The following EFCAB14 variants were observed in gnomAD, a reference collection of about 807,000 sequenced individuals.
EFCAB14 encodes EF-hand calcium binding domain 14.
A neutral mutation model predicts 56.5 loss-of-function variants in EFCAB14; 43 were observed. The ratio of observed to expected loss-of-function variants is 0.76; its 90% confidence interval spans 0.60 to 0.98. The LOEUF is 0.98. Ranked by LOEUF, EFCAB14 falls within the 50% of genes least tolerant of loss-of-function variation. The pLI is 0.00. For synonymous variants in EFCAB14, 235 were observed against 212.9 expected, an observed-to-expected ratio of 1.10 and a Z score of -0.90; for missense variants, 538 against 580.3, an observed-to-expected ratio of 0.93 and a Z score of 0.75.
At chr1:46,702,275 G>A (rs541196334) in intron 3 of EFCAB14, among the ~76,000 whole-genome samples, 6 of 152,306 alleles carry the variant, frequency 3.9e-5, no homozygotes, top group African/African-American at 1.4e-4. Flanking sequence ...GAAGTTAAGT[G>A]TCCTTTAAAT....
rs925573366 is a variant in EFCAB14, at chr1:46,707,287, A to C, written c.480+619T>G. 2.0e-5 allele frequency among the ~76,000 whole-genome samples: 3 copies of C among 152,390 alleles called. No individual in the cohort carries two copies. In the South Asian group the frequency reaches 6.2e-4, roughly 32 times the overall value. The stretch of plus-strand genomic sequence containing the variant: ...TGGGGCTATAGTTACCCTGTGACAA[A>C]TATGGTATCCTTATACATACAAGAT... On this transcript the variant is annotated intron_variant, in intron 3 of 10. Coordinates refer to ENST00000371933, the MANE Select transcript of EFCAB14 (RefSeq NM_014774.3).
chr1:46,678,714 T>TTAAAACAC, intron 10 of EFCAB14, 78 bp from the exon 11 acceptor site: 1 of 1,383,728 alleles, frequency 7.2e-7, no homozygotes, highest in East Asian at 2.4e-5. Context: ...TCAACTGAAT[T>TTAAAACAC]TAAAACACTA....
intron 3 of EFCAB14, among the ~76,000 whole-genome samples, chr1:46,705,812 T>C (rs1282885530): frequency 2.0e-5 from 3 of 152,204 alleles, no homozygotes; most frequent in Non-Finnish European, 2.9e-5. Flanking sequence ...GGTCTTTATC[T>C]AGAAGTGTAG....
Position 46,675,228 on chromosome 1 carries a change from A to G in EFCAB14, c.*3233T>C, listed in dbSNP as rs1676675078. 1 of 152,580 alleles carries G rather than the reference A, an allele frequency of 6.6e-6. No homozygotes were observed. Among genetic ancestry groups the G allele is most frequent in the Non-Finnish European group, 1.5e-5 (1 of 68,018 alleles). 9.5% of individuals were successfully genotyped at this position (152,580 alleles called of 1,614,324 possible). On this transcript the variant is annotated 3_prime_UTR_variant, in exon 11 of 11. Transcript: ENST00000371933. Reference sequence around the variant, plus strand: ...CTGTGTTACTTATTTGAAATATGCAAAGCTCAAATCAAGTCATGGAAACCC... The same window carrying G: ...CTGTGTTACTTATTTGAAATATGCAGAGCTCAAATCAAGTCATGGAAACCC...
intron 3 of EFCAB14, among the ~76,000 whole-genome samples, chr1:46,706,623 C>T (rs1054158057): frequency 6.6e-6 from 1 of 152,176 alleles, no homozygotes; most frequent in Admixed American, 6.5e-5. Flanking sequence ...TCAATGTGGT[C>T]TACTTTCACC....
Position 46,681,663 on chromosome 1 carries a change from GTT to G in EFCAB14, c.1312+1635_1312+1636del, listed in dbSNP as rs10654448. Among the ~76,000 whole-genome samples the G allele has an allele frequency of 3.3e-5, 5 of 149,286 alleles. No individual in the cohort carries two copies. The South Asian group carries it at 8.5e-4, about 25-fold the overall frequency. ...ACCAAGTGGCTAGCTGAAGAGTTCT[GTT>G]TTTTTTTTTCTTTTTTTTTGTGGCA... On this transcript the variant is annotated intron_variant, in intron 10 of 10. Transcript: ENST00000371933.
intron 1 of EFCAB14, 84 bp downstream of exon 1, chr1:46,717,819 C>G: frequency 2.1e-6 from 3 of 1,451,830 alleles, no homozygotes; most frequent in Non-Finnish European, 2.8e-6. Flanking sequence ...TTCCTAAGGA[C>G]TTCCTTTCTC....
intron 5 of EFCAB14, 59 bp from the exon 6 acceptor site, chr1:46,689,750 AT>A: frequency 7.0e-7 from 1 of 1,438,706 alleles, no homozygotes; most frequent in Non-Finnish European, 9.8e-7. Flanking sequence ...CTACTTAACT[AT>A]CTGAGATTGT....
In EFCAB14 at chr1:46,717,575, T is replaced by C. The variant is rs148014223; in HGVS notation, c.185+328A>G. ...GCTTCTCCTTTGTTCTACACTGTTT[T>C]AAAAAGTCTAGTCCCCAAAGCTTCT... On this transcript the variant is annotated intron_variant, in intron 1 of 10. Coordinates refer to ENST00000371933, the MANE Select transcript of EFCAB14 (RefSeq NM_014774.3). Among the ~76,000 whole-genome samples, 8 of 152,346 alleles carry C rather than the reference T, an allele frequency of 5.3e-5. No homozygotes were observed. In the East Asian group the frequency reaches 1.5e-3, roughly 29 times the overall value.
rs1677435321 is a variant in EFCAB14 at position 46,718,623 on chromosome 1, AG to A, written c.-537del. ...GGGAACGCGTCAGTCCCTTCCTTGC[AG>A]GAGAGGTGGCGGCAGGAGGGGGCTC... is the stretch of plus-strand genomic sequence containing the variant. On this transcript the variant is annotated 5_prime_UTR_variant, in exon 1 of 11. Transcript: ENST00000371933. 1 of 152,750 alleles carries A rather than the reference AG, an allele frequency of 6.5e-6. No individual in the cohort carries two copies. The highest frequency in any genetic ancestry group is 6.5e-5 in the Admixed American group (1 of 15,284). The allele number at this position is 152,750 out of a possible 1,614,324, so 9.5% of individuals were successfully genotyped here.
intron 4 of EFCAB14, among the ~76,000 whole-genome samples, chr1:46,695,798 G>C (rs1677070612): frequency 2.0e-5 from 3 of 152,110 alleles, no homozygotes; most frequent in African/African-American, 7.2e-5. Flanking sequence ...TCCTACTTCA[G>C]CCTCCCATGT....
intron 3 of EFCAB14, among the ~76,000 whole-genome samples, chr1:46,706,793 A>G (rs1677239407): frequency 6.6e-6 from 1 of 152,252 alleles, no homozygotes. Flanking sequence ...TTTCATGAAT[A>G]ATTTTGAAAG....
In EFCAB14 at chr1:46,678,366, T is replaced by G; in HGVS notation, c.*95A>C. 1 of 1,343,356 alleles carries G rather than the reference T, an allele frequency of 7.4e-7. No homozygotes were observed. Among genetic ancestry groups the G allele is most frequent in the Non-Finnish European group, 1.0e-6 (1 of 967,088 alleles). 83.2% of individuals were successfully genotyped at this position (1,343,356 alleles called of 1,614,324 possible). ...GTGGCAAAGTATCTGCTACAGTAGTTTGGAGGACTAGAGGACTGATGGGTA... is the reference window on the plus strand; with the variant it reads ...GTGGCAAAGTATCTGCTACAGTAGTGTGGAGGACTAGAGGACTGATGGGTA... On this transcript the variant is annotated 3_prime_UTR_variant, in exon 11 of 11. Coordinates refer to ENST00000371933, the MANE Select transcript of EFCAB14 (RefSeq NM_014774.3).
At chr1:46,714,951 G>A (rs917280100) in intron 2 of EFCAB14, among the ~76,000 whole-genome samples, 1 of 152,170 alleles carries the variant, frequency 6.6e-6, no homozygotes, top group African/African-American at 2.4e-5. Flanking sequence ...ATTTCTGACA[G>A]TTGCACAGTG....
At chr1:46,684,297 T>C (rs915831926) in intron 9 of EFCAB14, 194 bp downstream of exon 9, 2 of 552,304 alleles carry the variant, frequency 3.6e-6, no homozygotes, top group African/African-American at 1.9e-5. Context: ...CTTCCCTTAA[T>C]AGACTAGAGT....
At chr1:46,708,108 A>C in intron 2 of EFCAB14, 57 bp from the exon 3 acceptor site, 1 of 1,492,678 alleles carries the variant, frequency 6.7e-7, no homozygotes, top group Non-Finnish European at 8.9e-7. Context: ...CATGGTCCTA[A>C]GATGAAAAAA....
chr1:46,683,325 G>T lies in EFCAB14; in HGVS notation c.1287C>A (p.Ser429=). Reference sequence around the variant, plus strand: ...CTTCAGTGCTAGAAACTCCTGGTAGGGAGATAGGTCTTAGTTGGGCAGCTT... The same window carrying T: ...CTTCAGTGCTAGAAACTCCTGGTAGTGAGATAGGTCTTAGTTGGGCAGCTT... ...VEKAAQLRPI[S]LPGVSSTEDL... The change falls in exon 10 of 11, where the codon TCC becomes TCA. Residue 429 remains serine, a synonymous_variant. Coordinates refer to ENST00000371933, the MANE Select transcript of EFCAB14 (RefSeq NM_014774.3). 2 of 1,614,044 alleles carry T rather than the reference G, an allele frequency of 1.2e-6. No homozygotes were observed.
chr1:46,716,233 A>G lies in EFCAB14; in HGVS notation c.334+62T>C, dbSNP rs537213795. 6.1e-4 allele frequency: 912 copies of G among 1,484,640 alleles called. 7 individuals carry two copies. The African/African-American group carries it at 0.012, about 20-fold the overall frequency. 92.0% of individuals were successfully genotyped at this position (1,484,640 alleles called of 1,614,324 possible). A position where few individuals can be genotyped will look rare whatever the true frequency, so the allele number is the denominator to read the frequency against. On this transcript the variant is annotated intron_variant, in intron 2 of 10. Coordinates refer to ENST00000371933, the MANE Select transcript of EFCAB14 (RefSeq NM_014774.3). ...CACTGTACTCCAGCCTAGGCGACAG[A>G]GCAAGACCCTGTCTCAAAAAAAAAA... is the stretch of plus-strand genomic sequence containing the variant.
At chr1:46,716,941 G>A (rs974799758) in intron 1 of EFCAB14, among the ~76,000 whole-genome samples, 1 of 152,224 alleles carries the variant, frequency 6.6e-6, no homozygotes, top group South Asian at 2.1e-4. Flanking sequence ...TGGACACCTG[G>A]TGTATTCTAG....
Sources: allele counts gnomAD v4.1 joint callset (sites outside exome capture counted in the v4.1 genomes callset), GRCh38; gene constraint gnomAD v4.1.1; transcripts MANE v1.5; gene names NCBI Gene and HGNC (gene_info 2026-07-23, HGNC 2026-07-21).